ZNF385D: variants seen among roughly 807,000 people sequenced by gnomAD.
ZNF385D encodes zinc finger protein 385D.
In ZNF385D, 15 loss-of-function variants were observed where a neutral mutation model predicts 35.8. The observed-to-expected ratio is 0.42, with a 90% CI of 0.28 to 0.64. The LOEUF is 0.64. Among genes scored for constraint, ZNF385D ranks in the 30% least tolerant of loss-of-function variants. The pLI is 0.23. For synonymous variants in ZNF385D, 212 were observed against 186.8 expected, an observed-to-expected ratio of 1.13 and a Z score of -1.10; for missense variants, 474 against 494.6, an observed-to-expected ratio of 0.96 and a Z score of 0.39.
chr3:22,128,344 A>T lies in ZNF385D; in HGVS notation c.325+40473T>A, dbSNP rs1703565718. Among the ~76,000 whole-genome samples, 9 of 152,018 alleles carry T rather than the reference A, an allele frequency of 5.9e-5. No individual in the cohort carries two copies. In the South Asian group the frequency reaches 1.9e-3, roughly 32 times the overall value. The stretch of plus-strand genomic sequence containing the variant: ...CTTATTCTTGACTTTTGGGAGTCTG[A>T]TTATTAAATTTCGTGAGGTACTCTT... On this transcript the variant is annotated intron_variant, in intron 3 of 5. Transcript: ENST00000494108.
In ZNF385D at chr3:21,951,459, G is replaced by C. The variant is rs184096931; in HGVS notation, c.325+217358C>G. On this transcript the variant is annotated intron_variant, in intron 3 of 5. Transcript: ENST00000494108. Reference sequence around the variant, plus strand: ...AGGAGATTTGGGGCTGAGACGATCGGGTATTCTAAATAAATATACAATCAT... The same window carrying C: ...AGGAGATTTGGGGCTGAGACGATCGCGTATTCTAAATAAATATACAATCAT... Among the ~76,000 whole-genome samples the C allele has an allele frequency of 8.3e-4, 126 of 151,512 alleles. 1 individual carries two copies. The Middle Eastern group carries it at 0.01, about 12-fold the overall frequency.
chr3:21,796,817 A>G (rs1443418235), intron 3 of ZNF385D, among the ~76,000 whole-genome samples: 2 of 152,268 alleles, frequency 1.3e-5, no homozygotes, highest in East Asian at 1.9e-4. Context: ...TGGCTGACCA[A>G]AAGTCCTTGC....
At chr3:22,211,255 T>C (rs915097788) in intron 2 of ZNF385D, among the ~76,000 whole-genome samples, 1 of 151,958 alleles carries the variant, frequency 6.6e-6, no homozygotes, top group East Asian at 1.9e-4. Context: ...AAGCAGTTGA[T>C]GAATGAATGA....
At chr3:21,819,439 CCTGA>C (rs1335654972) in intron 3 of ZNF385D, among the ~76,000 whole-genome samples, 1 of 149,452 alleles carries the variant, frequency 6.7e-6, no homozygotes, top group Non-Finnish European at 1.5e-5. Context: ...CCACCCAAAA[CCTGA>C]CTATTACAAA....
intron 3 of ZNF385D, among the ~76,000 whole-genome samples, chr3:21,548,404 T>G (rs2062454529): frequency 6.6e-6 from 1 of 152,236 alleles, no homozygotes; most frequent in African/African-American, 2.4e-5. Flanking sequence ...TGCCTCATTT[T>G]CTGGGAACCC....
chr3:21,805,744 C>T (rs1342496019), intron 3 of ZNF385D, among the ~76,000 whole-genome samples: 2 of 152,168 alleles, frequency 1.3e-5, no homozygotes, highest in African/African-American at 4.8e-5. Flanking sequence ...ACTATTTCCT[C>T]TCCTGTCCAT....
At chr3:21,697,683 G>A (rs769684457) in intron 1 of ZNF385D, among the ~76,000 whole-genome samples, 1 of 152,092 alleles carries the variant, frequency 6.6e-6, no homozygotes, top group Non-Finnish European at 1.5e-5. Context: ...TACAGAACGG[G>A]AGAAAATATT....
intron 3 of ZNF385D, among the ~76,000 whole-genome samples, chr3:22,083,164 C>T (rs1277462986): frequency 6.6e-6 from 1 of 152,202 alleles, no homozygotes. Context: ...AACCAAAGCG[C>T]CTCTTCTTCT....
intron 2 of ZNF385D, among the ~76,000 whole-genome samples, chr3:21,650,791 G>C (rs2065887654): frequency 6.6e-6 from 1 of 152,062 alleles, no homozygotes; most frequent in Admixed American, 6.6e-5. Context: ...TGGACTAACA[G>C]TTTCTGAGAC....
At chr3:22,365,128 G>T (rs910241112) in intron 2 of ZNF385D, among the ~76,000 whole-genome samples, 1 of 152,024 alleles carries the variant, frequency 6.6e-6, no homozygotes, top group Non-Finnish European at 1.5e-5. Flanking sequence ...AATGGATATA[G>T]AGTTTCAGTT....
intron 3 of ZNF385D, among the ~76,000 whole-genome samples, chr3:21,966,120 G>A (rs1482719466): frequency 1.3e-5 from 2 of 152,120 alleles, no homozygotes; most frequent in Non-Finnish European, 2.9e-5. Flanking sequence ...AATAGATACA[G>A]AGACATTTTT....
intron 2 of ZNF385D, among the ~76,000 whole-genome samples, chr3:22,182,055 A>G (rs999754641): frequency 5.9e-5 from 9 of 152,006 alleles, no homozygotes; most frequent in East Asian, 1.9e-4. Context: ...ATCCCTGCCT[A>G]TATCTTTATT....
At chr3:21,473,381 G>A (rs1216206450) in intron 4 of ZNF385D, among the ~76,000 whole-genome samples, 1 of 152,034 alleles carries the variant, frequency 6.6e-6, no homozygotes, top group Non-Finnish European at 1.5e-5. Flanking sequence ...ATTAGATTAC[G>A]TGAGATTGAA....
chr3:22,075,925 A>G (rs67220352), intron 3 of ZNF385D, among the ~76,000 whole-genome samples: 20,399 of 151,880 alleles, frequency 0.13, 1,757 homozygotes, highest in Non-Finnish European at 0.18. Flanking sequence ...TTGGATGTCA[A>G]TCTCCGAATG....
chr3:21,700,871 T>C (rs2067657113), intron 1 of ZNF385D, among the ~76,000 whole-genome samples: 1 of 152,240 alleles, frequency 6.6e-6, no homozygotes, highest in Non-Finnish European at 1.5e-5. Context: ...TGTAATGCTT[T>C]ATGTTGAAAA....
chr3:21,753,169 G>A (rs1467750846), upstream of ZNF385D, among the ~76,000 whole-genome samples: 1 of 152,132 alleles, frequency 6.6e-6, no homozygotes, highest in Non-Finnish European at 1.5e-5. Context: ...ATATAGAAAG[G>A]TGGATATTAC....
intron 3 of ZNF385D, among the ~76,000 whole-genome samples, chr3:21,927,380 A>G (rs1261785711): frequency 6.6e-6 from 1 of 152,180 alleles, no homozygotes; most frequent in Non-Finnish European, 1.5e-5. Context: ...TTTTGGAGAA[A>G]TGGAAAGTTA....
At chr3:21,874,310 G>T (rs1697849859) in intron 3 of ZNF385D, among the ~76,000 whole-genome samples, 1 of 152,076 alleles carries the variant, frequency 6.6e-6, no homozygotes, top group Non-Finnish European at 1.5e-5. Flanking sequence ...TTGGAAAAAT[G>T]TTTAATCAAA....
chr3:21,745,029 A>G (rs2069699514), intron 1 of ZNF385D, among the ~76,000 whole-genome samples: 1 of 152,032 alleles, frequency 6.6e-6, no homozygotes, highest in Non-Finnish European at 1.5e-5. Context: ...CACATCCAAC[A>G]CATATTTCTA....
Sources: allele counts gnomAD v4.1 joint callset (sites outside exome capture counted in the v4.1 genomes callset), GRCh38; gene constraint gnomAD v4.1.1; transcripts MANE v1.5; gene names NCBI Gene and HGNC (gene_info 2026-07-23, HGNC 2026-07-21).